Variants in RASGRF2 observed in about 807,000 individuals in gnomAD.
RASGRF2 encodes the protein Ras protein specific guanine nucleotide releasing factor 2.
In RASGRF2, 76 loss-of-function variants were observed where a neutral mutation model predicts 151.0. The ratio of observed to expected loss-of-function variants is 0.50; its 90% CI spans 0.42 to 0.61. The LOEUF is 0.61. Ranked by LOEUF, RASGRF2 falls within the 20% of genes least tolerant of loss-of-function variation. The pLI, the probability that RASGRF2 is intolerant of heterozygous loss-of-function variation, is 0.00. For synonymous variants in RASGRF2, 504 were observed against 566.5 expected (o/e 0.89, Z 1.57); for missense variants, 1,148 against 1,564.6 (o/e 0.73, Z 4.49).
chr5:81,060,367 G>T (rs137980742), intron 2 of RASGRF2, among the ~76,000 whole-genome samples: 7 of 152,106 alleles, frequency 4.6e-5, no homozygotes, highest in African/African-American at 4.8e-5. Context: ...AGCTAGCCAC[G>T]CATGTCCCTG....
At chr5:81,219,820 G>A in intron 26 of RASGRF2, 42 bp downstream of exon 26, 1 of 1,472,654 alleles carries the variant, frequency 6.8e-7, no homozygotes, top group Non-Finnish European at 9.4e-7. Flanking sequence ...AAGAAAAAAG[G>A]GGAAATTAAT....
At chr5:81,216,944 G>A (rs1415084888) in intron 24 of RASGRF2, 1 of 455,390 alleles carries the variant, frequency 2.2e-6, no homozygotes, top group Non-Finnish European at 4.4e-6. Flanking sequence ...AGCTCTAACT[G>A]CATGGATTTT....
intron 2 of RASGRF2, among the ~76,000 whole-genome samples, chr5:81,043,218 G>A (rs1750733780): frequency 6.6e-6 from 1 of 152,124 alleles, no homozygotes; most frequent in South Asian, 2.1e-4. Context: ...TCACTTTTGT[G>A]GATTTCTTCC....
chr5:81,068,195 T>C lies in RASGRF2; in HGVS notation c.543+16T>C. ...TAAATCAGAGGTATTTCCCAGTCAA[T>C]AGATTCCTTCTCATTGTTTCACGTT... On this transcript the variant is annotated intron_variant, in intron 3 of 26. Transcript: ENST00000265080. 6.2e-7 allele frequency: 1 copy of C among 1,604,154 alleles called. No homozygotes were observed. Among genetic ancestry groups the C allele is most frequent in the Non-Finnish European group, 8.5e-7 (1 of 1,175,074 alleles).
At chr5:81,136,891 T>A (rs1202031618) in intron 17 of RASGRF2, among the ~76,000 whole-genome samples, 2 of 152,084 alleles carry the variant, frequency 1.3e-5, no homozygotes, top group Non-Finnish European at 2.9e-5. Flanking sequence ...ATGTTGAGTC[T>A]ACCGATGAAT....
chr5:81,113,492 T>C, intron 14 of RASGRF2, 46 bp from the exon 15 acceptor site: 1 of 1,518,134 alleles, frequency 6.6e-7, no homozygotes, highest in Non-Finnish European at 9.0e-7. Flanking sequence ...TGGGAATTCA[T>C]TTCACTTGGC....
At chr5:80,974,197 G>A (rs748433641) in intron 1 of RASGRF2, among the ~76,000 whole-genome samples, 3 of 152,146 alleles carry the variant, frequency 2.0e-5, no homozygotes, top group Non-Finnish European at 4.4e-5. Context: ...CAGACAGTTC[G>A]ATCAGCAGCC....
At chr5:81,131,788 G>C (rs1561223388) in intron 17 of RASGRF2, among the ~76,000 whole-genome samples, 1 of 151,974 alleles carries the variant, frequency 6.6e-6, no homozygotes, top group South Asian at 2.1e-4. Context: ...GCTATCCAGA[G>C]AATCCATATC....
chr5:81,164,797 A>T (rs1050431760), intron 17 of RASGRF2, among the ~76,000 whole-genome samples: 5 of 152,214 alleles, frequency 3.3e-5, no homozygotes, highest in Admixed American at 6.5e-5. Flanking sequence ...GGGAGGAATG[A>T]TGAAATTCCT....
intron 22 of RASGRF2, among the ~76,000 whole-genome samples, chr5:81,209,438 AAAC>A (rs895126502): frequency 4.3e-4 from 65 of 152,330 alleles, no homozygotes; most frequent in African/African-American, 1.5e-3. Context: ...ACGATTTTAA[AAAC>A]AACAACAACA....
At position 81,200,855 on chromosome 5, in the gene RASGRF2, A is replaced by G. The variant is rs114925969; in HGVS notation, c.2794-475A>G. On this transcript the variant is annotated intron_variant, in intron 18 of 26. Transcript: ENST00000265080. Reference sequence around the variant, plus strand: ...ATAGAAATACATGTATGGAGGCGGCATAGTGTTCCAGGCTATGAGAAGCAC... The same window carrying G: ...ATAGAAATACATGTATGGAGGCGGCGTAGTGTTCCAGGCTATGAGAAGCAC... Among the ~76,000 whole-genome samples, 486 of 152,334 alleles carry G rather than the reference A, an allele frequency of 3.2e-3. 4 individuals carry two copies. The highest frequency in any genetic ancestry group is 6.8e-3 in the Middle Eastern group (2 of 294).
intron 1 of RASGRF2, among the ~76,000 whole-genome samples, chr5:80,998,627 C>T (rs1314549900): frequency 6.6e-6 from 1 of 152,172 alleles, no homozygotes; most frequent in Non-Finnish European, 1.5e-5. Flanking sequence ...TACATTTTCC[C>T]CTTCCTGGAG....
chr5:81,085,939 T>A, intron 8 of RASGRF2, 28 bp downstream of exon 8: 1 of 1,613,748 alleles, frequency 6.2e-7, no homozygotes, highest in Non-Finnish European at 8.5e-7. Context: ...AACAAAGGCT[T>A]GGGAGAGGAA....
chr5:81,038,567 C>CTTTTTTTTT (rs56205345), intron 1 of RASGRF2, among the ~76,000 whole-genome samples: 105 of 83,914 alleles, frequency 1.3e-3, no homozygotes, highest in Non-Finnish European at 1.7e-3. Context: ...TAAATATTTG[C>CTTTTTTTTT]TTTTTTTTTT....
At chr5:81,103,732 TAA>T (rs80265976) in intron 12 of RASGRF2, among the ~76,000 whole-genome samples, 31,328 of 151,944 alleles carry the variant, frequency 0.21, 3,700 homozygotes, top group Admixed American at 0.29. Context: ...TTTGAAAAAT[TAA>T]AAGATAGGAA....
At chr5:81,027,425 A>G (rs570452959) in intron 1 of RASGRF2, among the ~76,000 whole-genome samples, 1 of 152,268 alleles carries the variant, frequency 6.6e-6, no homozygotes, top group Non-Finnish European at 1.5e-5. Context: ...AAAAATAGTG[A>G]TAAAAAAACT....
rs397884951 is a variant in RASGRF2 at position 81,024,249 on chromosome 5, A to ATTTTTTTTTTTTTTTTTTTTT, written c.289-18621_289-18601dup. Among the ~76,000 whole-genome samples the ATTTTTTTTTTTTTTTTTTTTT allele has an allele frequency of 7.1e-4, 51 of 71,690 alleles. 1 individual carries two copies. The highest frequency in any genetic ancestry group is 1.1e-3 in the African/African-American group (18 of 15,740). 47.0% of individuals were successfully genotyped at this position (71,690 alleles called of 152,430 possible). ...CTCCAGGACTAGAGGTATTCATATA[A>ATTTTTTTTTTTTTTTTTTTTT]TTTTTTTTTTTTTTTTTTTTTTTTT... On this transcript the variant is annotated intron_variant, in intron 1 of 26. Coordinates refer to ENST00000265080, the MANE Select transcript of RASGRF2 (RefSeq NM_006909.3).
At chr5:81,070,907 A>G (rs921264766) in intron 4 of RASGRF2, among the ~76,000 whole-genome samples, 1 of 152,204 alleles carries the variant, frequency 6.6e-6, no homozygotes, top group African/African-American at 2.4e-5. Context: ...ACATTTCAAA[A>G]ATATTTCTTT....
chr5:81,172,676 A>G (rs530769751), intron 17 of RASGRF2, among the ~76,000 whole-genome samples: 35 of 152,270 alleles, frequency 2.3e-4, no homozygotes, highest in South Asian at 1.7e-3. Flanking sequence ...CATTCTGGCC[A>G]TGTGCTTTGT....
Sources: gnomAD v4.1 joint callset for allele counts (sites outside exome capture counted in the v4.1 genomes callset) on GRCh38, gnomAD v4.1.1 for gene constraint, MANE v1.5 for transcripts, NCBI Gene and HGNC (gene_info 2026-07-23, HGNC 2026-07-21) for gene names.